Variants in MCC observed in about 807,000 individuals in gnomAD.
MCC encodes colorectal mutant cancer protein.
In MCC, 90 loss-of-function variants were observed where a neutral mutation model predicts 116.2. That is an observed-to-expected ratio of 0.77 (90% CI 0.65 to 0.92). The LOEUF (loss-of-function observed/expected upper bound fraction) is 0.92. Among genes scored for constraint, MCC ranks in the 40% least tolerant of loss-of-function variants. The pLI, the probability that MCC is intolerant of heterozygous loss-of-function variation, is 0.00. For missense variants in MCC, 1,516 were observed against 1,312.2 expected (o/e 1.16, Z -2.40); for synonymous variants, 578 against 510.5 (o/e 1.13, Z -1.78).
At chr5:113,240,586 A>T (rs897895887) in intron 3 of MCC, among the ~76,000 whole-genome samples, 1 of 152,164 alleles carries the variant, frequency 6.6e-6, no homozygotes, top group Non-Finnish European at 1.5e-5. Context: ...TCTTTAATAC[A>T]TCAGTGGCAC....
At chr5:113,432,358 A>C (rs1415445182) in intron 1 of MCC, among the ~76,000 whole-genome samples, 7 of 151,778 alleles carry the variant, frequency 4.6e-5, no homozygotes, top group Middle Eastern at 3.2e-3. Flanking sequence ...AGAAAAAAAA[A>C]CAGCTAACAG....
chr5:113,246,520 C>A (rs766083972), intron 3 of MCC, among the ~76,000 whole-genome samples: 7 of 152,112 alleles, frequency 4.6e-5, no homozygotes, highest in Non-Finnish European at 1.5e-5. Context: ...TTTAGGAAAA[C>A]AGGAAAGCCA....
chr5:113,356,278 C>A (rs1768410129), intron 2 of MCC, among the ~76,000 whole-genome samples: 1 of 151,282 alleles, frequency 6.6e-6, no homozygotes, highest in Non-Finnish European at 1.5e-5. Flanking sequence ...TTCAGGTGAT[C>A]CTCGTGCCTC....
At chr5:113,176,905 T>C (rs13357974) in intron 3 of MCC, among the ~76,000 whole-genome samples, 7,939 of 152,178 alleles carry the variant, frequency 0.052, 460 homozygotes, top group African/African-American at 0.14. Flanking sequence ...GCAGGAACAG[T>C]GTCTTCACTG....
At chr5:113,076,019 C>A (rs1189014348) in intron 11 of MCC, among the ~76,000 whole-genome samples, 1 of 152,116 alleles carries the variant, frequency 6.6e-6, no homozygotes, top group Non-Finnish European at 1.5e-5. Flanking sequence ...GGAAGAAACT[C>A]CGGACACGTC....
rs987390250 is a variant in MCC, at chr5:113,071,530, G to A, written c.1785-296C>T. On this transcript the variant is annotated intron_variant, in intron 11 of 18. Coordinates refer to ENST00000408903, the MANE Select transcript of MCC (RefSeq NM_001085377.2). ...GTGCTAGGCTCTGGAGATATTCCAA[G>A]GAAAGGAGACAGTTGTGCAACCTCC... 3.3e-5 allele frequency among the ~76,000 whole-genome samples: 5 copies of A among 152,294 alleles called. No individual in the cohort carries two copies. The East Asian group carries it at 7.7e-4, about 24-fold the overall frequency.
chr5:113,212,418 G>T (rs1763166932), intron 3 of MCC, among the ~76,000 whole-genome samples: 1 of 152,032 alleles, frequency 6.6e-6, no homozygotes, highest in African/African-American at 2.4e-5. Flanking sequence ...CACAGAGAGG[G>T]CTTCATACCA....
At chr5:113,039,577 GGCAA>G (rs1561742159) in intron 17 of MCC, among the ~76,000 whole-genome samples, 1 of 152,138 alleles carries the variant, frequency 6.6e-6, no homozygotes, top group Non-Finnish European at 1.5e-5. Flanking sequence ...CTCACTCATC[GGCAA>G]GCAAGCCCAA....
intron 2 of MCC, among the ~76,000 whole-genome samples, chr5:113,369,966 C>T (rs1484980461): frequency 6.6e-6 from 1 of 152,134 alleles, no homozygotes; most frequent in African/African-American, 2.4e-5. Context: ...GTATGAATGA[C>T]TGATAAGACT....
chr5:113,174,926 C>T (rs79594329), intron 3 of MCC, among the ~76,000 whole-genome samples: 1 of 151,890 alleles, frequency 6.6e-6, no homozygotes, highest in South Asian at 2.1e-4. Flanking sequence ...AGAGAATTAA[C>T]ATAGTGTGAT....
chr5:113,393,034 TA>T (rs1002788458), intron 1 of MCC, among the ~76,000 whole-genome samples: 15 of 151,528 alleles, frequency 9.9e-5, no homozygotes, highest in African/African-American at 3.7e-4. Context: ...ATCAAAGGTT[TA>T]AAAATATACA....
At chr5:113,083,964 G>A in intron 10 of MCC, 137 bp downstream of exon 10, 1 of 652,294 alleles carries the variant, frequency 1.5e-6, no homozygotes, top group Non-Finnish European at 2.7e-6. Flanking sequence ...TCCTTTGGAA[G>A]GAAATCAGGT....
intron 3 of MCC, among the ~76,000 whole-genome samples, chr5:113,219,641 G>A (rs558739463): frequency 3.3e-5 from 5 of 152,188 alleles, no homozygotes; most frequent in Admixed American, 6.5e-5. Flanking sequence ...CCCTTATACC[G>A]ATTTTCTCTA....
chr5:113,039,826 C>T (rs1340510463), intron 17 of MCC, among the ~76,000 whole-genome samples: 1 of 151,536 alleles, frequency 6.6e-6, no homozygotes, highest in Non-Finnish European at 1.5e-5. Flanking sequence ...GCTTGGGTCC[C>T]GAGGGCGGGC....
intron 1 of MCC, among the ~76,000 whole-genome samples, chr5:113,400,464 G>A (rs1315847639): frequency 2.0e-5 from 3 of 151,984 alleles, no homozygotes; most frequent in Admixed American, 2.0e-4. Flanking sequence ...TATTGACACT[G>A]TAGTGAAAGA....
intron 3 of MCC, among the ~76,000 whole-genome samples, chr5:113,274,161 C>G (rs1441806093): frequency 2.0e-5 from 3 of 152,218 alleles, no homozygotes; most frequent in African/African-American, 7.2e-5. Flanking sequence ...GTACCACTTC[C>G]TGTGATAGCT....
intron 3 of MCC, among the ~76,000 whole-genome samples, chr5:113,187,334 C>T (rs982907591): frequency 1.3e-5 from 2 of 152,126 alleles, no homozygotes; most frequent in Admixed American, 1.3e-4. Flanking sequence ...ATTTTGAATT[C>T]TTGGCCTCAA....
chr5:113,122,976 T>C (rs1001461546), intron 5 of MCC, 150 bp from the exon 6 acceptor site: 20 of 781,468 alleles, frequency 2.6e-5, no homozygotes, highest in Middle Eastern at 2.5e-4. Flanking sequence ...CCAGGCGAAA[T>C]AGATAGTCAC....
intron 11 of MCC, among the ~76,000 whole-genome samples, chr5:113,078,837 G>C (rs577904512): frequency 6.6e-6 from 1 of 152,064 alleles, no homozygotes; most frequent in Non-Finnish European, 1.5e-5. Context: ...AGAAATAAAG[G>C]GTATTCAATT....
Sources: allele counts gnomAD v4.1 joint callset (sites outside exome capture counted in the v4.1 genomes callset), GRCh38; gene constraint gnomAD v4.1.1; transcripts MANE v1.5; gene names NCBI Gene and HGNC (gene_info 2026-07-23, HGNC 2026-07-21).